The following FBXO47 variants were observed in gnomAD, a reference collection of about 807,000 sequenced individuals.
FBXO47 encodes the protein F-box only protein 47.
FBXO47 carries 34 observed loss-of-function variants against 53.9 expected under a neutral mutation model. The ratio of observed to expected loss-of-function variants is 0.63; its 90% CI spans 0.48 to 0.84. The LOEUF (loss-of-function observed/expected upper bound fraction) is 0.84. Among genes scored for constraint, FBXO47 ranks in the 40% least tolerant of loss-of-function variants. FBXO47 has a pLI of 0.00. For missense variants in FBXO47, 485 were observed against 541.3 expected, an observed-to-expected ratio of 0.90 and a Z score of 1.03; for synonymous variants, 165 against 181.6, an observed-to-expected ratio of 0.91 and a Z score of 0.73.
intron 7 of FBXO47, among the ~76,000 whole-genome samples, chr17:38,944,629 GA>G (rs1441710132): frequency 6.7e-6 from 1 of 150,070 alleles, no homozygotes; most frequent in East Asian, 2.0e-4. Flanking sequence ...GTGAACCCGG[GA>G]ATTGGAGCTC....
intron 3 of FBXO47, among the ~76,000 whole-genome samples, chr17:38,958,048 C>T (rs1263576429): frequency 6.6e-6 from 1 of 152,108 alleles, no homozygotes; most frequent in East Asian, 1.9e-4. Context: ...CCAGGATGGT[C>T]TCGATCTCTT....
chr17:38,956,518 G>A (rs1469476344), intron 4 of FBXO47, among the ~76,000 whole-genome samples: 2 of 151,664 alleles, frequency 1.3e-5, no homozygotes, highest in African/African-American at 4.8e-5. Context: ...AACCCAGGAG[G>A]TGGAGGTTGC....
chr17:38,945,193 G>A, intron 6 of FBXO47, 57 bp from the exon 7 acceptor site: 1 of 1,305,840 alleles, frequency 7.7e-7, no homozygotes. Flanking sequence ...TGTGCATATT[G>A]AATAGTGATC....
chr17:38,963,175 A>C (rs1905907588), intron 1 of FBXO47, 124 bp from the exon 2 acceptor site: 1 of 602,102 alleles, frequency 1.7e-6, no homozygotes, highest in Non-Finnish European at 2.8e-6. Context: ...TGTATTTGCA[A>C]AAGATTTTTG....
At chr17:38,964,371 G>A (rs887248166) in intron 1 of FBXO47, among the ~76,000 whole-genome samples, 2 of 152,088 alleles carry the variant, frequency 1.3e-5, no homozygotes, top group East Asian at 3.9e-4. Flanking sequence ...CAAGGCGGGT[G>A]GATCACCTGA....
rs553108844 is a variant in FBXO47, at chr17:38,948,014, A to G, written c.617-2878T>C. On this transcript the variant is annotated intron_variant, in intron 6 of 10. Coordinates refer to ENST00000378079, the MANE Select transcript of FBXO47 (RefSeq NM_001008777.3). ...CATACCATTTACCCATTTAAAGTGT[A>G]CAATTCAGTGGTTTTTAGTATATTC... Among the ~76,000 whole-genome samples the G allele has an allele frequency of 3.9e-5, 6 of 152,268 alleles. No homozygotes were observed. The East Asian group carries it at 9.6e-4, about 24-fold the overall frequency.
In FBXO47 at chr17:38,944,087, C is replaced by A. The variant is rs182277489; in HGVS notation, c.794-351G>T. Among the ~76,000 whole-genome samples the A allele has an allele frequency of 2.2e-3, 329 of 151,984 alleles. 4 individuals are homozygous for A. Among genetic ancestry groups the A allele is most frequent in the African/African-American group, 7.6e-3 (313 of 41,454 alleles). ...GTCCCAGCTACTCAGGAGGCTGAGG[C>A]ACGAGAATCGCTTGAACCTGGGAGG... On this transcript the variant is annotated intron_variant, in intron 7 of 10. Coordinates refer to ENST00000378079, the MANE Select transcript of FBXO47 (RefSeq NM_001008777.3).
chr17:38,939,293 C>CAAAAAAAAAAAAAAAAAAAAA (rs1218321299), intron 9 of FBXO47, among the ~76,000 whole-genome samples: 1 of 34,866 alleles, frequency 2.9e-5, no homozygotes, highest in Non-Finnish European at 4.4e-5. Context: ...ACTCCATCTC[C>CAAAAAAAAAAAAAAAAAAAAA]AAAAAAAAAA....
intron 7 of FBXO47, 83 bp downstream of exon 7, chr17:38,944,877 A>T: frequency 1.5e-6 from 1 of 679,056 alleles, no homozygotes; most frequent in Non-Finnish European, 2.2e-6. Flanking sequence ...TGTGTATAAT[A>T]TATGCTTCCT....
intron 9 of FBXO47, among the ~76,000 whole-genome samples, chr17:38,939,293 C>CAAAAAAAAAAAAAAAAA (rs1218321299): frequency 5.7e-5 from 2 of 34,866 alleles, no homozygotes; most frequent in African/African-American, 1.4e-4. Flanking sequence ...ACTCCATCTC[C>CAAAAAAAAAAAAAAAAA]AAAAAAAAAA....
At chr17:38,958,174 G>T (rs761374585) in intron 3 of FBXO47, among the ~76,000 whole-genome samples, 3 of 152,192 alleles carry the variant, frequency 2.0e-5, no homozygotes, top group South Asian at 2.1e-4. Context: ...TAGAGACAGG[G>T]TCTTGCTTTG....
chr17:38,937,312 GA>G, intron 10 of FBXO47, 22 bp from the exon 11 acceptor site: 1 of 1,018,662 alleles, frequency 9.8e-7, no homozygotes. Flanking sequence ...ACATAGTGGG[GA>G]AAAGAAAATG....
rs771781481 is a variant in FBXO47, at chr17:38,954,879, T to C, written c.484A>G (p.Thr162Ala). The change falls in exon 5 of 11, where the codon ACA becomes GCA. Residue 162 changes from threonine to alanine, a missense_variant. Transcript: ENST00000378079. ...CAAPMQCLGLTCYGMFLQTLT... is the reference protein window; with the variant it reads ...CAAPMQCLGLACYGMFLQTLT... Reference sequence around the variant, plus strand: ...ACCTGTAAAAACATGCCATAACATGTTAATCCTAAACACTGCATAGGAGCT... The same window carrying C: ...ACCTGTAAAAACATGCCATAACATGCTAATCCTAAACACTGCATAGGAGCT... 9 of 1,607,988 alleles carry C rather than the reference T, an allele frequency of 5.6e-6. No homozygotes were observed. The highest frequency in any genetic ancestry group is 3.4e-6 in the Non-Finnish European group (4 of 1,177,930).
intron 6 of FBXO47, among the ~76,000 whole-genome samples, chr17:38,945,554 G>A (rs893269991): frequency 2.6e-5 from 4 of 151,940 alleles, no homozygotes; most frequent in Admixed American, 1.3e-4. Flanking sequence ...ATGCCAGCAC[G>A]TTGTGAAGCC....
At chr17:38,943,960 G>T (rs1904622817) in intron 7 of FBXO47, among the ~76,000 whole-genome samples, 1 of 152,124 alleles carries the variant, frequency 6.6e-6, no homozygotes, top group Admixed American at 6.6e-5. Flanking sequence ...AGGAGGCCGA[G>T]GTAGGAGGAT....
In FBXO47 at chr17:38,938,637, G is replaced by GA; in HGVS notation, c.1178dup (p.Leu394ProfsTer25). 4 of 1,613,688 alleles carry GA rather than the reference G, an allele frequency of 2.5e-6. No individual in the cohort carries two copies. In the South Asian group the frequency reaches 4.4e-5, roughly 18 times the overall value. On this transcript the variant is annotated frameshift_variant, in exon 10 of 11. Coordinates refer to ENST00000378079, the MANE Select transcript of FBXO47 (RefSeq NM_001008777.3). LOFTEE classifies it high-confidence loss of function. The stretch of plus-strand genomic sequence containing the variant: ...CAAATGCATTTGCCACATTCTGCAG[G>GA]AAGTTCTTTCTTTCCACTGGAGTGC...
intron 4 of FBXO47, 117 bp downstream of exon 4, chr17:38,957,060 T>A (rs1237853518): frequency 3.2e-6 from 2 of 615,592 alleles, no homozygotes; most frequent in Non-Finnish European, 2.8e-6. Context: ...AATAAATCAA[T>A]TTTTTAGTGC....
At chr17:38,946,965 T>C (rs900119350) in intron 6 of FBXO47, among the ~76,000 whole-genome samples, 3 of 114,932 alleles carry the variant, frequency 2.6e-5, no homozygotes, top group East Asian at 2.7e-4. Context: ...TATATAAACA[T>C]ATATAAATAT....
chr17:38,957,256 A>G lies in FBXO47; in HGVS notation c.353-3T>C, dbSNP rs141746766. The stretch of plus-strand genomic sequence containing the variant: ...TGTGCATCTTTTAAACAGTAGACCT[A>G]AGAAAGTAAAGAGACATAAGAAAAA... On this transcript the variant is annotated splice_polypyrimidine_tract_variant and splice_region_variant and intron_variant, in intron 3 of 10. Transcript: ENST00000378079. 8.9e-4 allele frequency: 1,414 copies of G among 1,597,684 alleles called. 6 individuals are homozygous for G. The African/African-American group carries it at 0.017, about 19-fold the overall frequency.
Sources: allele counts gnomAD v4.1 joint callset (sites outside exome capture counted in the v4.1 genomes callset), GRCh38; gene constraint gnomAD v4.1.1; transcripts MANE v1.5; gene names NCBI Gene and HGNC (gene_info 2026-07-23, HGNC 2026-07-21).